TRIP12: variants seen among roughly 807,000 people sequenced by gnomAD.
TRIP12 encodes the protein thyroid hormone receptor interactor 12, also known as E3 ubiquitin-protein ligase TRIP12.
TRIP12 carries 25 observed loss-of-function variants against 244.2 expected under a neutral mutation model. The ratio of observed to expected loss-of-function variants is 0.10; its 90% CI spans 0.07 to 0.14. TRIP12 has a LOEUF of 0.14. TRIP12 is among the 10% of genes least tolerant of loss of function. The pLI, the probability that TRIP12 is intolerant of heterozygous loss-of-function variation, is 1.00. For synonymous variants in TRIP12, 905 were observed against 873.1 expected, an observed-to-expected ratio of 1.04 and a Z score of -0.64; for missense variants, 1,677 against 2,486.4, an observed-to-expected ratio of 0.67 and a Z score of 6.92.
At chr2:229,864,047 A>AGAGTGAGAGAGTGAGTGTGT in intron 2 of TRIP12, among the ~76,000 whole-genome samples, 1 of 79,318 alleles carries the variant, frequency 1.3e-5, no homozygotes, top group Admixed American at 1.3e-4. Context: ...AGAGAGAGAG[A>AGAGTGAGAGAGTGAGTGTGT]GTGTGTGTGT....
At position 229,860,714 on chromosome 2, in the gene TRIP12, G is replaced by A. The variant is rs117723491; in HGVS notation, c.99-183C>T. ...CTAAATAATCTGGCAAAAAGAAATT[G>A]CCTCTCAGAACCACCCCCGCCCCGC... On this transcript the variant is annotated intron_variant, in intron 2 of 41. Coordinates refer to ENST00000675903, the MANE Select transcript of TRIP12 (RefSeq NM_001348323.3). 6.8e-3 allele frequency among the ~76,000 whole-genome samples: 1,040 copies of A among 152,014 alleles called. 38 individuals carry two copies. The highest frequency in any genetic ancestry group is 0.058 in the Admixed American group (888 of 15,246).
chr2:229,790,659 T>G (rs914937652), intron 30 of TRIP12, among the ~76,000 whole-genome samples: 1 of 152,166 alleles, frequency 6.6e-6, no homozygotes, highest in Non-Finnish European at 1.5e-5. Flanking sequence ...AAGGAAGTAT[T>G]ACAGAGGAAA....
chr2:229,878,301 T>G (rs1375562656), intron 2 of TRIP12, among the ~76,000 whole-genome samples: 1 of 151,758 alleles, frequency 6.6e-6, no homozygotes, highest in East Asian at 2.0e-4. Context: ...AATACAGAAA[T>G]TAGCCAGGTG....
rs754120710 is a variant in TRIP12 at position 229,813,861 on chromosome 2, A to T, written c.1986+9T>A. On this transcript the variant is annotated intron_variant, in intron 13 of 41. Transcript: ENST00000675903. Reference sequence around the variant, plus strand: ...ACTTTATGGCACATAAAATAGATGCATATTTTACCTGATGTGTTAGCCTTT... The same window carrying T: ...ACTTTATGGCACATAAAATAGATGCTTATTTTACCTGATGTGTTAGCCTTT... 68 of 1,480,612 alleles carry T rather than the reference A, an allele frequency of 4.6e-5. No individual in the cohort carries two copies. Among genetic ancestry groups the T allele is most frequent in the Non-Finnish European group, 5.4e-5 (59 of 1,095,082 alleles). 91.7% of individuals were successfully genotyped at this position (1,480,612 alleles called of 1,614,324 possible).
chr2:229,902,452 G>A (rs2071230961), intron 1 of TRIP12, among the ~76,000 whole-genome samples: 1 of 152,080 alleles, frequency 6.6e-6, no homozygotes, highest in South Asian at 2.1e-4. Context: ...AGCATTATTG[G>A]CGGTACCTTT....
In TRIP12 at chr2:229,798,881, T is replaced by C. The variant is rs746423230; in HGVS notation, c.3476A>G (p.Asn1159Ser). ...ARAASKDTIS[N>S]NREKIKGWIK... is the part of the protein sequence containing the mutation. Reference sequence around the variant, plus strand: ...AAAACTCCCCCCACTTCACCTATTATTGGAGATGGTATCCTTTGAGGCAGC... The same window carrying C: ...AAAACTCCCCCCACTTCACCTATTACTGGAGATGGTATCCTTTGAGGCAGC... The change falls in exon 23 of 42, where the codon AAT (asparagine) becomes AGT (serine). Residue 1159 changes from asparagine (N) to serine (S), a missense_variant. Transcript: ENST00000675903. 5 of 1,612,678 alleles carry C rather than the reference T, an allele frequency of 3.1e-6. No homozygotes were observed. The highest frequency in any genetic ancestry group is 2.2e-5 in the South Asian group (2 of 90,468).
chr2:229,877,975 G>A (rs1402011845), intron 2 of TRIP12, among the ~76,000 whole-genome samples: 1 of 152,144 alleles, frequency 6.6e-6, no homozygotes, highest in Non-Finnish European at 1.5e-5. Context: ...GAATGTAAAA[G>A]AGCAAACATT....
intron 2 of TRIP12, among the ~76,000 whole-genome samples, chr2:229,874,711 CTG>C (rs1055724488): frequency 6.6e-6 from 1 of 152,078 alleles, no homozygotes. Flanking sequence ...ATAGAAAAGA[CTG>C]TAAGAACATA....
intron 21 of TRIP12, among the ~76,000 whole-genome samples, chr2:229,801,489 T>C (rs1384031601): frequency 1.3e-5 from 2 of 152,314 alleles, no homozygotes; most frequent in East Asian, 3.9e-4. Flanking sequence ...ACTTTTCAGT[T>C]TAAAAGGAGC....
intron 16 of TRIP12, 113 bp from the exon 17 acceptor site, chr2:229,807,977 T>G: frequency 8.4e-7 from 1 of 1,196,178 alleles, no homozygotes; most frequent in South Asian, 1.6e-5. Context: ...GACCAATTTT[T>G]TTTTTGGAGA....
chr2:229,895,507 T>A (rs1336712357), intron 1 of TRIP12, among the ~76,000 whole-genome samples: 4 of 146,232 alleles, frequency 2.7e-5, no homozygotes, highest in African/African-American at 1.0e-4. Context: ...ACAGGATAAA[T>A]AAAAGACATC....
At chr2:229,810,611 A>G (rs193169387) in intron 15 of TRIP12, among the ~76,000 whole-genome samples, 1 of 152,342 alleles carries the variant, frequency 6.6e-6, no homozygotes, top group Admixed American at 6.5e-5. Context: ...GGATGGTTAC[A>G]TGACTAACAT....
Position 229,764,447 on chromosome 2 carries a change from A to G in TRIP12, c.*3107T>C, listed in dbSNP as rs985332094. The stretch of plus-strand genomic sequence containing the variant: ...CATTTTACTAGTAGAGAAATGAACA[A>G]TAGCATCCAGAATCCTCCAAAAAGG... On this transcript the variant is annotated 3_prime_UTR_variant, in exon 42 of 42. Coordinates refer to ENST00000675903, the MANE Select transcript of TRIP12 (RefSeq NM_001348323.3). The G allele has an allele frequency of 1.4e-4, 21 of 152,390 alleles. No individual in the cohort carries two copies. The highest frequency in any genetic ancestry group is 1.2e-3 in the Admixed American group (18 of 15,310). The allele number at this position is 152,390 out of a possible 1,614,324, so 9.4% of individuals were successfully genotyped here.
intron 1 of TRIP12, among the ~76,000 whole-genome samples, chr2:229,899,614 A>G (rs1180970259): frequency 1.3e-5 from 2 of 152,212 alleles, no homozygotes; most frequent in East Asian, 3.8e-4. Flanking sequence ...CTGGAGTAAA[A>G]GGCGACAAAC....
chr2:229,810,784 A>G (rs1473332114), intron 15 of TRIP12, 96 bp downstream of exon 15: 3 of 1,229,232 alleles, frequency 2.4e-6, no homozygotes, highest in East Asian at 5.0e-5. Flanking sequence ...CTATAATATT[A>G]GTAATCTCTT....
At chr2:229,910,446 C>A (rs868524263) in intron 1 of TRIP12, among the ~76,000 whole-genome samples, 2 of 152,086 alleles carry the variant, frequency 1.3e-5, no homozygotes, top group South Asian at 4.1e-4. Context: ...CTCTGGTATT[C>A]CAGCAAACAT....
intron 6 of TRIP12, 29 bp downstream of exon 6, chr2:229,836,819 C>G (rs1330053537): frequency 6.4e-7 from 1 of 1,573,916 alleles, no homozygotes; most frequent in Non-Finnish European, 8.6e-7. Context: ...GACAGAAACG[C>G]ATTTTAAAGC....
intron 26 of TRIP12, among the ~76,000 whole-genome samples, chr2:229,793,829 CTT>C (rs904335359): frequency 2.2e-4 from 33 of 150,736 alleles, no homozygotes; most frequent in African/African-American, 8.0e-4. Flanking sequence ...AATTCGTAAA[CTT>C]TCTTAAAATA....
chr2:229,893,798 A>G (rs185398259), intron 1 of TRIP12, among the ~76,000 whole-genome samples: 1 of 152,302 alleles, frequency 6.6e-6, no homozygotes, highest in East Asian at 1.9e-4. Flanking sequence ...GAGCAGAATT[A>G]ACTAAGAGTA....
Sources: allele counts gnomAD v4.1 joint callset (sites outside exome capture counted in the v4.1 genomes callset), GRCh38; gene constraint gnomAD v4.1.1; transcripts MANE v1.5; gene names NCBI Gene and HGNC (gene_info 2026-07-23, HGNC 2026-07-21).